The following SLC44A2 variants were observed in gnomAD, a reference collection of about 807,000 sequenced individuals.
SLC44A2 encodes solute carrier family 44 member 2 (CTL2 blood group).
SLC44A2 carries 57 observed loss-of-function variants against 90.8 expected under a neutral mutation model. The ratio of observed to expected loss-of-function variants is 0.63; its 90% CI spans 0.51 to 0.78. The LOEUF (loss-of-function observed/expected upper bound fraction) is 0.78, where lower values mean the gene tolerates loss of function less well. Ranked by LOEUF, SLC44A2 falls within the 30% of genes least tolerant of loss-of-function variation. The pLI is 0.00. For missense variants in SLC44A2, 794 were observed against 919.7 expected, an observed-to-expected ratio of 0.86 and a Z score of 1.77; for synonymous variants, 355 against 360.7, an observed-to-expected ratio of 0.98 and a Z score of 0.18.
chr19:10,603,818 G>A (rs1933818431), intron 1 of SLC44A2, among the ~76,000 whole-genome samples: 1 of 152,228 alleles, frequency 6.6e-6, no homozygotes, highest in Non-Finnish European at 1.5e-5. Context: ...CTCAGCCTGA[G>A]GTTCTAGCCA....
chr19:10,625,669 C>T lies in SLC44A2; in HGVS notation c.36C>T (p.His12=), dbSNP rs2144839423. The T allele has an allele frequency of 1.6e-6, 2 of 1,250,228 alleles. No homozygotes were observed. The highest frequency in any genetic ancestry group is 6.3e-5 in the East Asian group (2 of 31,784). The allele number at this position is 1,250,228 out of a possible 1,614,324, so 77.4% of individuals were successfully genotyped here. Residue 12 remains histidine, a splice_region_variant and synonymous_variant, in exon 1 of 22, where the codon CAC becomes CAT. Transcript: ENST00000335757. ...AGCGGCCCCACTACTACGGGAAACACGGTAGGCAGCGACCCCCGCCCGTAG... is the reference window on the plus strand; with the variant it reads ...AGCGGCCCCACTACTACGGGAAACATGGTAGGCAGCGACCCCCGCCCGTAG... ...GDERPHYYGK[H]GTPQKYDPTF... is the part of the protein sequence containing the mutation.
At chr19:10,634,324 C>T (rs886311320) in intron 10 of SLC44A2, among the ~76,000 whole-genome samples, 1 of 150,862 alleles carries the variant, frequency 6.6e-6, no homozygotes, top group Admixed American at 6.6e-5. Context: ...ATTAGCCGGG[C>T]ATGGTGGCGC....
At chr19:10,617,730 C>T (rs969141787) in intron 1 of SLC44A2, among the ~76,000 whole-genome samples, 2 of 152,166 alleles carry the variant, frequency 1.3e-5, no homozygotes, top group African/African-American at 4.8e-5. Flanking sequence ...AGCCTCGGTT[C>T]TCTCTCCTAT....
rs766760652 is a variant in SLC44A2, at chr19:10,631,572, G to A, written c.502+37G>A. 7 of 1,613,992 alleles carry A rather than the reference G, an allele frequency of 4.3e-6. No individual in the cohort carries two copies. In the Admixed American group the frequency reaches 5.0e-5, roughly 12 times the overall value. ...GATCCCAGGAGGCTCAGGTGGTGAC[G>A]GGGAGGCTCTGCAGAGGCTCAGCCT... On this transcript the variant is annotated intron_variant, in intron 7 of 21. Coordinates refer to ENST00000335757, the MANE Select transcript of SLC44A2 (RefSeq NM_020428.4).
At chr19:10,643,078 A>G in intron 21 of SLC44A2, 1 of 1,343,530 alleles carries the variant, frequency 7.4e-7, no homozygotes, top group South Asian at 1.5e-5. Flanking sequence ...GGGTGCATGA[A>G]GCGGGGGGGT....
chr19:10,625,605 G>C lies in SLC44A2; in HGVS notation c.-29G>C, dbSNP rs565419693. 4.0e-6 allele frequency: 5 copies of C among 1,243,460 alleles called. No individual in the cohort carries two copies. The South Asian group carries it at 1.9e-4, about 48-fold the overall frequency. The allele number at this position is 1,243,460 out of a possible 1,614,324, so 77.0% of individuals were successfully genotyped here. ...CGAGGGGGCGCGGGAGAGAGCGCGG[G>C]CGGCCGCCGGGGCTGGTCGCCTGCA... On this transcript the variant is annotated 5_prime_UTR_variant, in exon 1 of 22. Transcript: ENST00000335757.
chr19:10,631,221 A>T, intron 5 of SLC44A2, 54 bp from the exon 6 acceptor site: 2 of 1,605,224 alleles, frequency 1.2e-6, no homozygotes, highest in Non-Finnish European at 1.7e-6. Context: ...CTGCGACCTC[A>T]GTCCTGAGCA....
chr19:10,642,487 C>T (rs1376070250), intron 21 of SLC44A2, 36 bp downstream of exon 21: 3 of 1,589,894 alleles, frequency 1.9e-6, no homozygotes, highest in Non-Finnish European at 2.6e-6. Context: ...TGCTGGGCCC[C>T]GAATCCCTTC....
rs528294007 is a variant in SLC44A2, at chr19:10,635,615, C to T, written c.1233+100C>T. On this transcript the variant is annotated intron_variant, in intron 14 of 21. Coordinates refer to ENST00000335757, the MANE Select transcript of SLC44A2 (RefSeq NM_020428.4). The stretch of plus-strand genomic sequence containing the variant: ...CTTGGAGGTTCAGCAAACAATTGGC[C>T]CCTGTTGCATGTCCTGTGCTAGGTG... The T allele has an allele frequency of 4.5e-5, 49 of 1,077,298 alleles. No homozygotes were observed. In the Middle Eastern group the frequency reaches 8.8e-4, roughly 19 times the overall value. The allele number at this position is 1,077,298 out of a possible 1,614,324, so 66.7% of individuals were successfully genotyped here. A position where few individuals can be genotyped will look rare whatever the true frequency, so the allele number is the denominator to read the frequency against.
rs939090803 is a variant in SLC44A2, at chr19:10,617,082, C to T, written c.32-9171C>T. On this transcript the variant is annotated intron_variant, in intron 1 of 21. Transcript: ENST00000407327. The stretch of plus-strand genomic sequence containing the variant: ...GACTACAGGCTCTCGCCACCACGCC[C>T]GGCTAATTTTTGTATTTTTAGTAGA... 4.6e-5 allele frequency among the ~76,000 whole-genome samples: 7 copies of T among 151,968 alleles called. No individual in the cohort carries two copies. The East Asian group carries it at 5.8e-4, about 13-fold the overall frequency.
At chr19:10,616,354 G>GC (rs1240000718) in intron 1 of SLC44A2, among the ~76,000 whole-genome samples, 2 of 151,814 alleles carry the variant, frequency 1.3e-5, no homozygotes, top group Non-Finnish European at 2.9e-5. Flanking sequence ...CCTCAGGCTC[G>GC]CAAGTAGCTG....
chr19:10,619,264 A>G (rs762744067), intron 1 of SLC44A2, among the ~76,000 whole-genome samples: 44 of 151,376 alleles, frequency 2.9e-4, no homozygotes, highest in Non-Finnish European at 6.0e-4. Flanking sequence ...CCCAGTCCCT[A>G]CAAAAAAATA....
In SLC44A2 at chr19:10,636,504, T is replaced by G; in HGVS notation, c.1415T>G (p.Phe472Cys). 1 of 1,612,448 alleles carries G rather than the reference T, an allele frequency of 6.2e-7. No individual in the cohort carries two copies. The highest frequency in any genetic ancestry group is 8.5e-7 in the Non-Finnish European group (1 of 1,180,016). ...ALGQVTLAGA[F>C]ASYYWALRKP... ...GGCCAGGTCACGCTGGCCGGGGCCTTTGCCTCCTACTACTGGGCCCTGCGC... is the reference window on the plus strand; with the variant it reads ...GGCCAGGTCACGCTGGCCGGGGCCTGTGCCTCCTACTACTGGGCCCTGCGC... Residue 472 changes from phenylalanine to cysteine, a missense_variant, in exon 15 of 22, where the codon TTT becomes TGT. Physicochemically the swap from Phe to Cys is radical, Grantham distance 205 (BLOSUM62 -2). Transcript: ENST00000335757.
chr19:10,629,503 C>G (rs762096723), intron 4 of SLC44A2, among the ~76,000 whole-genome samples: 1 of 151,486 alleles, frequency 6.6e-6, no homozygotes, highest in Non-Finnish European at 1.5e-5. Flanking sequence ...GTCTCGAACT[C>G]CTGACCTCAG....
chr19:10,628,883 T>C (rs1280607648), intron 4 of SLC44A2, among the ~76,000 whole-genome samples: 1 of 152,000 alleles, frequency 6.6e-6, no homozygotes, highest in East Asian at 1.9e-4. Context: ...TGGGGCTATT[T>C]TGATGGTTAG....
intron 20 of SLC44A2, 114 bp from the exon 21 acceptor site, chr19:10,642,253 A>G: frequency 1.2e-6 from 1 of 841,144 alleles, no homozygotes; most frequent in Non-Finnish European, 2.0e-6. Context: ...TCACTAATCC[A>G]AAGAGGGTTT....
Position 10,641,393 on chromosome 19 carries a change from CAAAAAAAAAACAA to C in SLC44A2, c.1930-965_1930-953del. On this transcript the variant is annotated intron_variant, in intron 20 of 21. Transcript: ENST00000335757. Reference sequence around the variant, plus strand: ...TGAGCAACACAGTGAGACCCTGTCTCAAAAAAAAAACAAAAAAAAAACGCCCACTCTAGGTGTC... The same window carrying C: ...TGAGCAACACAGTGAGACCCTGTCTCAAAAAAAACGCCCACTCTAGGTGTC... The C allele has an allele frequency of 1.5e-5, 5 of 324,802 alleles. No individual in the cohort carries two copies. The Middle Eastern group carries it at 2.0e-3, about 133-fold the overall frequency. 20.1% of individuals were successfully genotyped at this position (324,802 alleles called of 1,614,324 possible).
chr19:10,636,881 A>C (rs878919333), intron 16 of SLC44A2, 125 bp downstream of exon 16: 1 of 1,012,752 alleles, frequency 9.9e-7, no homozygotes, highest in Non-Finnish European at 1.4e-6. Flanking sequence ...GTTTCTGTCT[A>C]TGACGGGGTG....
In SLC44A2 at chr19:10,640,939, TAGTC is replaced by T. The variant is rs200053209; in HGVS notation, c.1930-1425_1930-1422del. ...ATCTCTACTAAAAATACAAAAAAAT[TAGTC>T]AGGTGTGCTGGTACGCACCTGTAGT... On this transcript the variant is annotated intron_variant, in intron 20 of 21. Coordinates refer to ENST00000335757, the MANE Select transcript of SLC44A2 (RefSeq NM_020428.4). 183 of 210,538 alleles carry T rather than the reference TAGTC, an allele frequency of 8.7e-4. 2 individuals carry two copies. In the East Asian group the frequency reaches 0.027, roughly 31 times the overall value. 13.0% of individuals were successfully genotyped at this position (210,538 alleles called of 1,614,324 possible).
Sources: allele counts gnomAD v4.1 joint callset (sites outside exome capture counted in the v4.1 genomes callset), GRCh38; gene constraint gnomAD v4.1.1; transcripts MANE v1.5; gene names NCBI Gene and HGNC (gene_info 2026-07-23, HGNC 2026-07-21).